Variants in STK32C observed in about 807,000 individuals in gnomAD.
STK32C encodes serine/threonine kinase 32C.
In STK32C, 31 loss-of-function variants were observed where a neutral mutation model predicts 56.5. That is an observed-to-expected ratio of 0.55 (90% CI 0.41 to 0.74). The LOEUF is 0.74. Among genes scored for constraint, STK32C ranks in the 30% least tolerant of loss-of-function variants. The pLI is 0.00. For missense variants in STK32C, 544 were observed against 676.9 expected (o/e 0.80, Z 2.18); for synonymous variants, 309 against 289.4 (o/e 1.07, Z -0.69).
intron 7 of STK32C, among the ~76,000 whole-genome samples, chr10:132,224,940 A>G (rs901974686): frequency 2.6e-5 from 4 of 152,176 alleles, no homozygotes; most frequent in African/African-American, 7.2e-5. Context: ...CTTTTTGTGG[A>G]AAGTTCCGAG....
At chr10:132,331,994 A>C (rs1590556997), upstream of STK32C, 20 of 292,390 alleles carry the variant, frequency 6.8e-5, no homozygotes, top group East Asian at 6.5e-5. Context: ...GGCGCACCAC[A>C]CCCGACCCCC....
Position 132,307,599 on chromosome 10 carries a change from T to A in STK32C, c.235A>T (p.Arg79Trp). ...TCCTCCTTGTCGTCAAACACCGGCCTCCGCGCGGTGGCCGCCGACATGGAC... is the reference window on the plus strand; with the variant it reads ...TCCTCCTTGTCGTCAAACACCGGCCACCGCGCGGTGGCCGCCGACATGGAC... Reference protein sequence around the residue: ...GSSMSAATARRPVFDDKEDVN... With the variant: ...GSSMSAATARWPVFDDKEDVN... The change falls in exon 1 of 12, where the codon AGG becomes TGG. Residue 79 changes from arginine (R) to tryptophan (W), a missense_variant. By Grantham distance (101) the Arg-to-Trp change is moderately radical (BLOSUM62 -3). Transcript: ENST00000298630. This position sits in a 1 kb window ranked among gnomAD's most constrained non-coding sequence, Gnocchi z 4.4. 3 of 1,408,996 alleles carry A rather than the reference T, an allele frequency of 2.1e-6. No individual in the cohort carries two copies. The highest frequency in any genetic ancestry group is 1.9e-6 in the Non-Finnish European group (2 of 1,062,096). 87.3% of individuals were successfully genotyped at this position (1,408,996 alleles called of 1,614,324 possible). A position where few individuals can be genotyped will look rare whatever the true frequency, so the allele number is the denominator to read the frequency against.
upstream of STK32C, among the ~76,000 whole-genome samples, chr10:132,311,975 C>G (rs2066231280): frequency 6.6e-6 from 1 of 152,182 alleles, no homozygotes; most frequent in South Asian, 2.1e-4. This position sits in a 1 kb window ranked among gnomAD's most constrained non-coding sequence, Gnocchi z 4.4. Context: ...AAAGTCCCAA[C>G]CATTACAGCA....
intron 2 of STK32C, among the ~76,000 whole-genome samples, chr10:132,239,807 A>G (rs1052638196): frequency 6.6e-6 from 1 of 152,220 alleles, no homozygotes; most frequent in African/African-American, 2.4e-5. Context: ...CTCACGGCAC[A>G]TAGGCCCGGG....
intron 10 of STK32C, among the ~76,000 whole-genome samples, chr10:132,211,042 C>A (rs2062282475): frequency 6.6e-6 from 1 of 152,192 alleles, no homozygotes; most frequent in Admixed American, 6.5e-5. Context: ...CAGCCCTCTC[C>A]TCTCCATGTG....
At chr10:132,298,530 G>T (rs1021849765) in intron 1 of STK32C, among the ~76,000 whole-genome samples, 4 of 150,494 alleles carry the variant, frequency 2.7e-5, no homozygotes, top group African/African-American at 9.7e-5. Context: ...CTCCTAACAG[G>T]ACATGCTGGG....
chr10:132,268,210 T>C (rs1270963743), intron 1 of STK32C, among the ~76,000 whole-genome samples: 6 of 148,654 alleles, frequency 4.0e-5, no homozygotes, highest in African/African-American at 1.0e-4. Flanking sequence ...CCTGTGTGCA[T>C]GCATGTCCCA....
At chr10:132,226,437 G>C (rs1381610940) in intron 4 of STK32C, among the ~76,000 whole-genome samples, 1 of 152,152 alleles carries the variant, frequency 6.6e-6, no homozygotes, top group Non-Finnish European at 1.5e-5. Context: ...AAATTAGTTT[G>C]GATTCCCTGG....
intron 1 of STK32C, among the ~76,000 whole-genome samples, chr10:132,318,621 CA>C (rs1289169803): frequency 0.015 from 1,726 of 117,190 alleles, 27 homozygotes; most frequent in African/African-American, 0.047. Context: ...CCTCAAAAAA[CA>C]AAAAAAAAAA....
chr10:132,327,588 G>A (rs2138489491), intron 1 of STK32C, among the ~76,000 whole-genome samples: 1 of 151,806 alleles, frequency 6.6e-6, no homozygotes, highest in East Asian at 1.9e-4. Context: ...CAATTCTCCT[G>A]CCTTAGCCAC....
At chr10:132,220,833 C>A (rs1444660100) in intron 10 of STK32C, among the ~76,000 whole-genome samples, 1 of 152,224 alleles carries the variant, frequency 6.6e-6, no homozygotes, top group African/African-American at 2.4e-5. Flanking sequence ...TCTGGTGAGA[C>A]CCCGAAGCAG....
In STK32C at chr10:132,299,250, C is replaced by T. The variant is rs146347475; in HGVS notation, c.262+8322G>A. On this transcript the variant is annotated intron_variant, in intron 1 of 11. Transcript: ENST00000298630. ...GAGACCCCAGGACAAGACCCAGCAG[C>T]ACAGACAGCTAATCCACCAGCCAAC... is the stretch of plus-strand genomic sequence containing the variant. Among the ~76,000 whole-genome samples, 1,128 of 149,394 alleles carry T rather than the reference C, an allele frequency of 7.6e-3. 11 individuals are homozygous for T. Among genetic ancestry groups the T allele is most frequent in the African/African-American group, 0.027 (1,063 of 39,166 alleles).
At chr10:132,243,762 C>T (rs2063588446) in intron 2 of STK32C, among the ~76,000 whole-genome samples, 1 of 152,202 alleles carries the variant, frequency 6.6e-6, no homozygotes, top group Non-Finnish European at 1.5e-5. Context: ...AGAGCAGCTG[C>T]ACCAGGGCCA....
chr10:132,280,341 GCCTCCACTCCGTGACCATGCC>G (rs1387176211), intron 1 of STK32C, among the ~76,000 whole-genome samples: 6 of 128,524 alleles, frequency 4.7e-5, no homozygotes, highest in Non-Finnish European at 9.8e-5. Context: ...CTATGCTGAG[GCCTCCACTCCGTGACCATGCC>G]CCTGCACTCC....
chr10:132,282,583 G>A (rs1303060797), intron 1 of STK32C, among the ~76,000 whole-genome samples: 3 of 152,194 alleles, frequency 2.0e-5, no homozygotes. Context: ...CCACAGCCAT[G>A]GCTTCACCAG....
intron 1 of STK32C, among the ~76,000 whole-genome samples, chr10:132,273,725 G>A (rs754559586): frequency 5.9e-5 from 9 of 152,224 alleles, no homozygotes; most frequent in South Asian, 2.1e-4. Context: ...ATGAACACAC[G>A]GTGAGTGAAT....
At chr10:132,243,839 G>A (rs978855111) in intron 2 of STK32C, among the ~76,000 whole-genome samples, 5 of 152,094 alleles carry the variant, frequency 3.3e-5, no homozygotes, top group African/African-American at 9.7e-5. Flanking sequence ...GGTGGGCTCC[G>A]GTGCTCTGCC....
chr10:132,271,062 G>A lies in STK32C; in HGVS notation c.263-25107C>T, dbSNP rs573954329. Among the ~76,000 whole-genome samples, 142 of 152,268 alleles carry A rather than the reference G, an allele frequency of 9.3e-4. 1 individual carries two copies. Among genetic ancestry groups the A allele is most frequent in the Middle Eastern group, 6.8e-3 (2 of 294 alleles). Reference sequence around the variant, plus strand: ...CACAGTCAGATGGGGTGCAAGGAGGGTGGCACCCCCAAAGTGACTCAAAGA... The same window carrying A: ...CACAGTCAGATGGGGTGCAAGGAGGATGGCACCCCCAAAGTGACTCAAAGA... On this transcript the variant is annotated intron_variant, in intron 1 of 11. Transcript: ENST00000298630.
intron 2 of STK32C, among the ~76,000 whole-genome samples, chr10:132,230,666 G>C (rs1185760845): frequency 1.3e-5 from 2 of 148,502 alleles, no homozygotes; most frequent in East Asian, 2.1e-4. Flanking sequence ...CTTGCTGCTG[G>C]GGGGGAAGCT....
Sources: gnomAD v4.1 joint callset for allele counts (sites outside exome capture counted in the v4.1 genomes callset) on GRCh38, gnomAD v4.1.1 for gene constraint, Gnocchi (gnomAD v3.1) non-coding constraint, MANE v1.5 for transcripts, NCBI Gene and HGNC (gene_info 2026-07-23, HGNC 2026-07-21) for gene names.